Variants in RASSF8 observed in about 807,000 individuals in gnomAD.
RASSF8 encodes the protein ras association domain-containing protein 8.
In RASSF8, 22 loss-of-function variants were observed where a neutral mutation model predicts 48.5. The ratio of observed to expected loss-of-function variants is 0.45; its 90% CI spans 0.32 to 0.65. The LOEUF (loss-of-function observed/expected upper bound fraction) is 0.65. RASSF8 is among the 30% of genes least tolerant of loss of function. The probability of loss-of-function intolerance (pLI) is 0.03; values close to 1 mark genes in which losing one functional copy is unlikely to be tolerated. For missense variants in RASSF8, 418 were observed against 489.2 expected (o/e 0.85, Z 1.37); for synonymous variants, 127 against 171.5 (o/e 0.74, Z 2.03).
intron 2 of RASSF8, among the ~76,000 whole-genome samples, chr12:26,018,414 CT>C (rs1368599828): frequency 3.9e-5 from 6 of 151,976 alleles, no homozygotes; most frequent in African/African-American, 1.4e-4. Context: ...TAACATGTCA[CT>C]TTAACATTTT....
intron 2 of RASSF8, among the ~76,000 whole-genome samples, chr12:26,028,504 T>C (rs1041966803): frequency 6.6e-6 from 1 of 152,250 alleles, no homozygotes; most frequent in African/African-American, 2.4e-5. Flanking sequence ...GGTTGTAATT[T>C]CTTGGTAATC....
At chr12:26,030,384 C>A (rs1943003688) in intron 2 of RASSF8, among the ~76,000 whole-genome samples, 1 of 152,182 alleles carries the variant, frequency 6.6e-6, no homozygotes, top group African/African-American at 2.4e-5. Context: ...GAAACAAATT[C>A]ATTCCATGTA....
chr12:26,069,588 A>C lies in RASSF8; in HGVS notation c.*770A>C. 1.0e-6 allele frequency: 1 copy of C among 985,484 alleles called. No homozygotes were observed. The highest frequency in any genetic ancestry group is 1.2e-6 in the Non-Finnish European group (1 of 829,940). 61.0% of individuals were successfully genotyped at this position (985,484 alleles called of 1,614,324 possible). On this transcript the variant is annotated 3_prime_UTR_variant, in exon 6 of 6. Transcript: ENST00000689635. The stretch of plus-strand genomic sequence containing the variant: ...AAATGTAATTGGTAAGTATGTATCC[A>C]AACAGGCATGGGGTTTCCTGATACA...
chr12:26,054,296 G>A (rs952333619), intron 2 of RASSF8, among the ~76,000 whole-genome samples: 3 of 152,066 alleles, frequency 2.0e-5, no homozygotes, highest in East Asian at 1.9e-4. Flanking sequence ...CATTCTTATC[G>A]ATACAGGAAA....
At chr12:26,032,551 A>G (rs1277426780) in intron 2 of RASSF8, among the ~76,000 whole-genome samples, 2 of 152,188 alleles carry the variant, frequency 1.3e-5, no homozygotes, top group African/African-American at 2.4e-5. Flanking sequence ...TGAAATTGCT[A>G]CATTAGCATG....
chr12:26,066,594 G>A (rs1204166561), intron 4 of RASSF8, among the ~76,000 whole-genome samples: 1 of 152,132 alleles, frequency 6.6e-6, no homozygotes, highest in Non-Finnish European at 1.5e-5. Flanking sequence ...GGTACAAGTG[G>A]AAGTTGTGTT....
At chr12:25,960,191 A>G (rs996685396) in intron 1 of RASSF8, among the ~76,000 whole-genome samples, 2 of 152,114 alleles carry the variant, frequency 1.3e-5, no homozygotes, top group Non-Finnish European at 2.9e-5. Context: ...TTTTCTCTCC[A>G]TTAGATTAAC....
At chr12:25,968,526 A>G (rs1345828111) in intron 1 of RASSF8, among the ~76,000 whole-genome samples, 1 of 151,928 alleles carries the variant, frequency 6.6e-6, no homozygotes, top group Non-Finnish European at 1.5e-5. Flanking sequence ...TATTTTTAGT[A>G]GAGATGGGGG....
intron 1 of RASSF8, among the ~76,000 whole-genome samples, chr12:25,976,390 C>T (rs569462737): frequency 1.3e-5 from 2 of 151,894 alleles, no homozygotes; most frequent in South Asian, 2.1e-4. Flanking sequence ...TCCACACCAG[C>T]GGAGTCTTGG....
At chr12:25,977,695 C>A (rs1389104821) in intron 1 of RASSF8, among the ~76,000 whole-genome samples, 1 of 151,764 alleles carries the variant, frequency 6.6e-6, no homozygotes, top group African/African-American at 2.4e-5. Context: ...AAGAATCTTG[C>A]TTTACAAGTA....
At chr12:25,998,087 T>G (rs1942173054) in intron 2 of RASSF8, among the ~76,000 whole-genome samples, 1 of 152,196 alleles carries the variant, frequency 6.6e-6, no homozygotes, top group Non-Finnish European at 1.5e-5. Flanking sequence ...AACGTGCAAG[T>G]CTAATATTAA....
intron 2 of RASSF8, among the ~76,000 whole-genome samples, chr12:26,004,143 C>T (rs1942328750): frequency 6.6e-6 from 1 of 152,142 alleles, no homozygotes; most frequent in Non-Finnish European, 1.5e-5. Context: ...TGCCACTGCA[C>T]TCAAGACTGG....
chr12:25,966,938 T>G (rs1297804047), intron 1 of RASSF8, among the ~76,000 whole-genome samples: 2 of 152,246 alleles, frequency 1.3e-5, no homozygotes, highest in African/African-American at 2.4e-5. Flanking sequence ...GCATTTTGTA[T>G]TTCTTACATG....
rs1370010926 is a variant in RASSF8, at chr12:26,071,199, T to C, written c.*2381T>C. 5.1e-6 allele frequency: 5 copies of C among 980,232 alleles called. No homozygotes were observed. Among genetic ancestry groups the C allele is most frequent in the Non-Finnish European group, 6.1e-6 (5 of 825,420 alleles). 60.7% of individuals were successfully genotyped at this position (980,232 alleles called of 1,614,324 possible). ...TAAGACTCAGAGGGAAAAAAACTCG[T>C]TTTCATAGGATCATCTGAAGATACT... On this transcript the variant is annotated 3_prime_UTR_variant, in exon 6 of 6. Transcript: ENST00000689635.
chr12:25,985,969 A>G (rs1236803469), intron 1 of RASSF8, among the ~76,000 whole-genome samples: 1 of 152,256 alleles, frequency 6.6e-6, no homozygotes, highest in African/African-American at 2.4e-5. Context: ...TGTTAAGATA[A>G]TTAAATGAAT....
rs545416838 is a variant in RASSF8 at position 26,070,048 on chromosome 12, A to G, written c.*1230A>G. The G allele has an allele frequency of 1.2e-5, 12 of 983,414 alleles. No homozygotes were observed. The South Asian group carries it at 5.6e-4, about 46-fold the overall frequency. The allele number at this position is 983,414 out of a possible 1,614,324, so 60.9% of individuals were successfully genotyped here. A position where few individuals can be genotyped will look rare whatever the true frequency, so the allele number is the denominator to read the frequency against. Reference sequence around the variant, plus strand: ...GAGTAGTGACTTAACTAAGATTTACAAGTAATATTTAGACAGATTCAGTCA... The same window carrying G: ...GAGTAGTGACTTAACTAAGATTTACGAGTAATATTTAGACAGATTCAGTCA... On this transcript the variant is annotated 3_prime_UTR_variant, in exon 6 of 6. Transcript: ENST00000689635.
intron 2 of RASSF8, among the ~76,000 whole-genome samples, chr12:26,053,375 T>C (rs1943535325): frequency 6.6e-6 from 1 of 152,200 alleles, no homozygotes; most frequent in South Asian, 2.1e-4. Flanking sequence ...ATATTAATCT[T>C]AGGCCATTTT....
intron 2 of RASSF8, among the ~76,000 whole-genome samples, chr12:26,054,449 A>T (rs1238417619): frequency 6.6e-6 from 1 of 152,216 alleles, no homozygotes; most frequent in African/African-American, 2.4e-5. Flanking sequence ...AACTCTTGTA[A>T]TTTAAGAAAA....
At chr12:26,025,809 T>A (rs892710212) in intron 2 of RASSF8, among the ~76,000 whole-genome samples, 2 of 151,832 alleles carry the variant, frequency 1.3e-5, no homozygotes, top group Non-Finnish European at 1.5e-5. Context: ...AAGAATAAAA[T>A]GCTTAGGAAT....
Sources: allele counts gnomAD v4.1 joint callset (sites outside exome capture counted in the v4.1 genomes callset), GRCh38; gene constraint gnomAD v4.1.1; transcripts MANE v1.5; gene names NCBI Gene and HGNC (gene_info 2026-07-23, HGNC 2026-07-21).